Variants in GNA14 observed in about 807,000 individuals in gnomAD.
GNA14 encodes the protein G protein subunit alpha 14, also known as guanine nucleotide-binding protein subunit alpha-14.
A neutral mutation model predicts 42.0 loss-of-function variants in GNA14; 50 were observed. That is an observed-to-expected ratio of 1.19 (90% CI 0.95 to 1.51). GNA14 has a LOEUF of 1.51. Ranked by LOEUF, GNA14 falls within the 40% of genes most tolerant of loss-of-function variation. The pLI is 0.00. For synonymous variants in GNA14, 173 were observed against 163.1 expected (o/e 1.06, Z -0.46); for missense variants, 473 against 446.2 (o/e 1.06, Z -0.54).
At chr9:77,426,217 G>A (rs1564010244) in intron 5 of GNA14, among the ~76,000 whole-genome samples, 1 of 152,096 alleles carries the variant, frequency 6.6e-6, no homozygotes, top group Admixed American at 6.5e-5. Flanking sequence ...GAGACAGGAC[G>A]CACTGCTACT....
chr9:77,475,862 G>C (rs770436289), intron 2 of GNA14, among the ~76,000 whole-genome samples: 11 of 152,122 alleles, frequency 7.2e-5, no homozygotes, highest in Admixed American at 5.9e-4. Context: ...CTGTGGGTTG[G>C]GGTGTTGGGG....
At chr9:77,583,810 G>T (rs1823262142) in intron 1 of GNA14, among the ~76,000 whole-genome samples, 1 of 152,086 alleles carries the variant, frequency 6.6e-6, no homozygotes, top group Non-Finnish European at 1.5e-5. Flanking sequence ...CTGCAAGTCA[G>T]CATTTCTAAC....
chr9:77,484,720 C>G (rs1465838999), intron 2 of GNA14, among the ~76,000 whole-genome samples: 2 of 151,982 alleles, frequency 1.3e-5, no homozygotes, highest in African/African-American at 2.4e-5. Flanking sequence ...ACTGGCATAC[C>G]TCAGAGACAT....
At chr9:77,624,367 C>A (rs1291491703) in intron 1 of GNA14, among the ~76,000 whole-genome samples, 2 of 152,198 alleles carry the variant, frequency 1.3e-5, no homozygotes, top group East Asian at 3.9e-4. Flanking sequence ...AATGTTCCTG[C>A]CTGCCAGCTC....
At chr9:77,586,678 T>C (rs1587839315) in intron 1 of GNA14, among the ~76,000 whole-genome samples, 1 of 152,234 alleles carries the variant, frequency 6.6e-6, no homozygotes, top group African/African-American at 2.4e-5. Flanking sequence ...CGGCGGTGTC[T>C]GATTTACATA....
chr9:77,619,625 C>T (rs1260916346), intron 1 of GNA14, among the ~76,000 whole-genome samples: 1 of 152,102 alleles, frequency 6.6e-6, no homozygotes, highest in Non-Finnish European at 1.5e-5. Context: ...AGCTCAGTTT[C>T]CTCATCAGTA....
chr9:77,524,087 A>G (rs529455289), intron 2 of GNA14, among the ~76,000 whole-genome samples: 1 of 152,358 alleles, frequency 6.6e-6, no homozygotes, highest in African/African-American at 2.4e-5. Flanking sequence ...AAGAAGTCAT[A>G]AATTCAAATT....
intron 2 of GNA14, among the ~76,000 whole-genome samples, chr9:77,450,950 T>G (rs1432126799): frequency 6.6e-6 from 1 of 152,122 alleles, no homozygotes; most frequent in Non-Finnish European, 1.5e-5. Context: ...TTGCTCCTTC[T>G]TCCCCTTCCA....
intron 1 of GNA14, chr9:77,635,317 C>G (rs1824166685): frequency 6.6e-6 from 1 of 152,158 alleles, no homozygotes; most frequent in South Asian, 2.1e-4. Flanking sequence ...TGCATGGTCA[C>G]TATTATGTTT....
At chr9:77,535,211 C>T (rs1013283735) in intron 1 of GNA14, among the ~76,000 whole-genome samples, 1 of 152,174 alleles carries the variant, frequency 6.6e-6, no homozygotes, top group Non-Finnish European at 1.5e-5. Context: ...GTTTCTGCAC[C>T]TGTGTGTACT....
At chr9:77,435,665 T>G (rs1281569101) in intron 2 of GNA14, among the ~76,000 whole-genome samples, 12 of 152,218 alleles carry the variant, frequency 7.9e-5, no homozygotes, top group Admixed American at 7.9e-4. Flanking sequence ...TTATTGGCTA[T>G]GTACTATGTG....
At chr9:77,538,079 T>TTC (rs1837618909) in intron 1 of GNA14, among the ~76,000 whole-genome samples, 2 of 151,048 alleles carry the variant, frequency 1.3e-5, no homozygotes, top group African/African-American at 4.9e-5. Flanking sequence ...TTTTTTTTTT[T>TTC]TCCCTTAAAG....
intron 1 of GNA14, among the ~76,000 whole-genome samples, chr9:77,642,092 T>C (rs897011541): frequency 3.4e-4 from 52 of 152,330 alleles, no homozygotes; most frequent in African/African-American, 1.3e-3. Context: ...TCCAGGATGA[T>C]GGAAGTGTTT....
intron 2 of GNA14, among the ~76,000 whole-genome samples, chr9:77,519,282 G>T (rs534131376): frequency 6.6e-5 from 10 of 152,110 alleles, no homozygotes; most frequent in Non-Finnish European, 1.5e-4. Context: ...GTGGTGGCGG[G>T]TGCCTGTATT....
chr9:77,612,865 T>C (rs75639676), intron 1 of GNA14, among the ~76,000 whole-genome samples: 6,363 of 152,266 alleles, frequency 0.042, 214 homozygotes, highest in Admixed American at 0.062. Context: ...AACTTCTGGG[T>C]ATTTATCCAA....
intron 2 of GNA14, among the ~76,000 whole-genome samples, chr9:77,474,421 C>T (rs946081920): frequency 6.6e-6 from 1 of 152,124 alleles, no homozygotes; most frequent in African/African-American, 2.4e-5. Context: ...CATTATCCAT[C>T]CAGGAAACAC....
intron 2 of GNA14, among the ~76,000 whole-genome samples, chr9:77,439,251 C>A (rs1835687497): frequency 6.6e-6 from 1 of 152,212 alleles, no homozygotes; most frequent in Middle Eastern, 3.4e-3. Flanking sequence ...GAAGGGAGTA[C>A]CCTGTTACCT....
intron 2 of GNA14, among the ~76,000 whole-genome samples, chr9:77,491,589 G>A (rs1004676541): frequency 1.3e-5 from 2 of 152,012 alleles, no homozygotes; most frequent in Non-Finnish European, 1.5e-5. Flanking sequence ...ATGATAAAGG[G>A]GTCAATTTGG....
At chr9:77,546,073 C>A (rs145278915) in intron 1 of GNA14, among the ~76,000 whole-genome samples, 1 of 151,856 alleles carries the variant, frequency 6.6e-6, no homozygotes, top group African/African-American at 2.4e-5. Flanking sequence ...AAAAAATAGC[C>A]GGGCGTGGTG....
Sources: allele counts gnomAD v4.1 joint callset (sites outside exome capture counted in the v4.1 genomes callset), GRCh38; gene constraint gnomAD v4.1.1; transcripts MANE v1.5; gene names NCBI Gene and HGNC (gene_info 2026-07-23, HGNC 2026-07-21).